PRSS23: variants seen among roughly 807,000 people sequenced by gnomAD.
PRSS23 encodes the protein serine protease 23, also known as protease, serine 23.
PRSS23 carries 25 observed loss-of-function variants against 34.7 expected under a neutral mutation model. The observed-to-expected ratio is 0.72, with a 90% CI of 0.53 to 1.01. The LOEUF is 1.01. Ranked by LOEUF, PRSS23 falls within the 50% of genes least tolerant of loss-of-function variation. The probability of loss-of-function intolerance (pLI) is 0.00; values close to 1 mark genes in which losing one functional copy is unlikely to be tolerated. For synonymous variants in PRSS23, 176 were observed against 186.6 expected (o/e 0.94, Z 0.46); for missense variants, 445 against 475.6 (o/e 0.94, Z 0.60).
chr11:86,855,503 C>T (rs960667267), intron 2 of PRSS23, among the ~76,000 whole-genome samples: 17 of 151,616 alleles, frequency 1.1e-4, no homozygotes, highest in African/African-American at 3.4e-4. Flanking sequence ...GATTTCTTTG[C>T]GTGTGTGTGT....
At chr11:86,868,462 A>G (rs1948665007) in intron 2 of PRSS23, among the ~76,000 whole-genome samples, 1 of 152,162 alleles carries the variant, frequency 6.6e-6, no homozygotes, top group Non-Finnish European at 1.5e-5. Flanking sequence ...CATTTATGTA[A>G]GGGGGCTTGA....
At chr11:86,844,278 G>T (rs113504001) in intron 2 of PRSS23, among the ~76,000 whole-genome samples, 1 of 152,138 alleles carries the variant, frequency 6.6e-6, no homozygotes, top group African/African-American at 2.4e-5. Flanking sequence ...AGGCAGCTGG[G>T]AGAGGGATAG....
At chr11:86,794,184 T>C (rs994228563) in intron 1 of PRSS23, among the ~76,000 whole-genome samples, 1 of 152,156 alleles carries the variant, frequency 6.6e-6, no homozygotes, top group Admixed American at 6.5e-5. Context: ...TAATTTTCCA[T>C]AAAAGATTTT....
At chr11:86,940,652 A>G (rs1268766843) in intron 2 of PRSS23, 1 of 152,338 alleles carries the variant, frequency 6.6e-6, no homozygotes, top group East Asian at 1.9e-4. Context: ...ACGGCCTCCA[A>G]GGCCTTTCAT....
intron 2 of PRSS23, among the ~76,000 whole-genome samples, chr11:86,877,101 G>A (rs1372852803): frequency 6.6e-6 from 1 of 152,320 alleles, no homozygotes; most frequent in East Asian, 1.9e-4. Context: ...TGGGTAATGT[G>A]CAGTATAAGT....
intron 2 of PRSS23, among the ~76,000 whole-genome samples, chr11:86,850,588 C>A (rs938754897): frequency 6.6e-6 from 1 of 152,010 alleles, no homozygotes; most frequent in Non-Finnish European, 1.5e-5. Context: ...TGTTTTCTTC[C>A]CCAAGAAAGC....
intron 2 of PRSS23, among the ~76,000 whole-genome samples, chr11:86,862,215 T>C (rs1365039306): frequency 6.6e-6 from 1 of 152,040 alleles, no homozygotes; most frequent in Non-Finnish European, 1.5e-5. Context: ...CGGGAGATAT[T>C]ACTCCTAATT....
intron 2 of PRSS23, among the ~76,000 whole-genome samples, chr11:86,843,254 A>G (rs997317172): frequency 5.9e-5 from 9 of 152,110 alleles, no homozygotes; most frequent in African/African-American, 1.4e-4. Context: ...TCCTTACACC[A>G]TATACAAAAA....
chr11:86,870,955 C>T (rs545675845), intron 2 of PRSS23, among the ~76,000 whole-genome samples: 5 of 152,176 alleles, frequency 3.3e-5, no homozygotes, highest in Non-Finnish European at 7.3e-5. Context: ...AAGTCTTTGT[C>T]TGCTAACTCC....
chr11:86,911,884 A>T (rs1246147280), intron 2 of PRSS23: 1 of 152,068 alleles, frequency 6.6e-6, no homozygotes, highest in East Asian at 1.9e-4. Context: ...CAATCCTCCC[A>T]CTTCAGTAGC....
chr11:86,795,241 TATA>T (rs1291220029), intron 1 of PRSS23, among the ~76,000 whole-genome samples: 3 of 152,146 alleles, frequency 2.0e-5, no homozygotes, highest in Middle Eastern at 6.8e-3. Context: ...TAATAATAAT[TATA>T]ATAATAATAC....
intron 2 of PRSS23, among the ~76,000 whole-genome samples, chr11:86,903,416 C>A (rs966035996): frequency 6.6e-6 from 1 of 152,142 alleles, no homozygotes; most frequent in Non-Finnish European, 1.5e-5. Context: ...TCATTTACAA[C>A]CCAGCCCTAT....
At chr11:86,858,933 A>G (rs1228774272) in intron 2 of PRSS23, among the ~76,000 whole-genome samples, 1 of 151,918 alleles carries the variant, frequency 6.6e-6, no homozygotes, top group Non-Finnish European at 1.5e-5. Flanking sequence ...ATTACTCCCA[A>G]TATCGCAGAG....
intron 2 of PRSS23, among the ~76,000 whole-genome samples, chr11:86,944,084 A>C (rs1468022083): frequency 6.6e-6 from 1 of 152,004 alleles, no homozygotes; most frequent in Non-Finnish European, 1.5e-5. Context: ...TAGAAAGCAA[A>C]GATCAAGGTT....
chr11:86,833,755 C>G (rs1479545217), intron 2 of PRSS23, among the ~76,000 whole-genome samples: 4 of 152,156 alleles, frequency 2.6e-5, no homozygotes, highest in African/African-American at 9.7e-5. Flanking sequence ...ACCTTCCCAC[C>G]TAGGCTTAGG....
intron 2 of PRSS23, chr11:86,951,134 G>C: frequency 6.2e-7 from 1 of 1,613,430 alleles, no homozygotes; most frequent in Non-Finnish European, 8.5e-7. Flanking sequence ...CATGGAGGCT[G>C]ACTAGCCTTA....
chr11:86,949,611 G>A lies in PRSS23; in HGVS notation c.207-1605G>A, dbSNP rs1037071930. ...AGAGAAAGGCCAGTTACAGTTTTAAGAGAAGTGCAATTTTCGAGAGGCTGC... is the reference window on the plus strand; with the variant it reads ...AGAGAAAGGCCAGTTACAGTTTTAAAAGAAGTGCAATTTTCGAGAGGCTGC... On this transcript the variant is annotated intron_variant, in intron 2 of 2. Coordinates refer to the PRSS23 transcript ENST00000533902. 119 of 152,674 alleles carry A rather than the reference G, an allele frequency of 7.8e-4. 1 individual carries two copies. Among genetic ancestry groups the A allele is most frequent in the Non-Finnish European group, 4.4e-5 (3 of 68,050 alleles). 9.5% of individuals were successfully genotyped at this position (152,674 alleles called of 1,614,324 possible). A position where few individuals can be genotyped will look rare whatever the true frequency, so the allele number is the denominator to read the frequency against.
intron 2 of PRSS23, among the ~76,000 whole-genome samples, chr11:86,846,023 C>A (rs972336918): frequency 1.1e-4 from 17 of 152,158 alleles, no homozygotes; most frequent in African/African-American, 4.1e-4. Context: ...AACATCTTCC[C>A]ACCACACATA....
At chr11:86,902,777 C>A (rs1305043973) in intron 2 of PRSS23, among the ~76,000 whole-genome samples, 1 of 152,184 alleles carries the variant, frequency 6.6e-6, no homozygotes, top group Non-Finnish European at 1.5e-5. Context: ...CTGCTTCATT[C>A]AGCTACTTTA....
Sources: gnomAD v4.1 joint callset for allele counts (sites outside exome capture counted in the v4.1 genomes callset) on GRCh38, gnomAD v4.1.1 for gene constraint, MANE v1.5 for transcripts, NCBI Gene and HGNC (gene_info 2026-07-23, HGNC 2026-07-21) for gene names.